Variants in BCAS1 observed in about 807,000 individuals in gnomAD.
BCAS1 encodes the protein breast carcinoma-amplified sequence 1.
Under a neutral mutation model 65.4 loss-of-function variants are expected in BCAS1, and 46 were observed. The ratio of observed to expected loss-of-function variants is 0.70; its 90% CI spans 0.55 to 0.90. The LOEUF is 0.90. Ranked by LOEUF, BCAS1 falls within the 40% of genes least tolerant of loss-of-function variation. The probability of loss-of-function intolerance (pLI) is 0.00; values close to 1 mark genes in which losing one functional copy is unlikely to be tolerated. For missense variants in BCAS1, 793 were observed against 771.2 expected, an observed-to-expected ratio of 1.03 and a Z score of -0.33; for synonymous variants, 298 against 293.5, an observed-to-expected ratio of 1.02 and a Z score of -0.16.
At chr20:54,049,461 C>T (rs1422990999) in intron 3 of BCAS1, among the ~76,000 whole-genome samples, 2 of 152,006 alleles carry the variant, frequency 1.3e-5, no homozygotes, top group Non-Finnish European at 2.9e-5. Context: ...TTTTATTTCT[C>T]CAAAGATCTA....
chr20:54,032,853 T>G (rs999274920), intron 3 of BCAS1, among the ~76,000 whole-genome samples: 1 of 151,134 alleles, frequency 6.6e-6, no homozygotes, highest in African/African-American at 2.4e-5. Context: ...CAAACAGACT[T>G]AGACTCCCAC....
intron 6 of BCAS1, among the ~76,000 whole-genome samples, chr20:53,994,290 A>G (rs2090844096): frequency 6.6e-6 from 1 of 152,248 alleles, no homozygotes; most frequent in Admixed American, 6.5e-5. Flanking sequence ...TAAACCGTGT[A>G]TTCCACTAGA....
intron 3 of BCAS1, among the ~76,000 whole-genome samples, chr20:54,055,725 C>T (rs2092287710): frequency 6.6e-6 from 1 of 151,778 alleles, no homozygotes; most frequent in South Asian, 2.1e-4. Context: ...GCATTATTCA[C>T]AATAGCCAAG....
At position 54,008,487 on chromosome 20, in the gene BCAS1, C is replaced by T. The variant is rs111402932; in HGVS notation, c.724-12437G>A. Among the ~76,000 whole-genome samples the T allele has an allele frequency of 2.2e-4, 33 of 152,250 alleles. 1 individual carries two copies. The South Asian group carries it at 5.2e-3, about 24-fold the overall frequency. On this transcript the variant is annotated intron_variant, in intron 4 of 12. Transcript: ENST00000688948. ...GAAGGTCATGTGAGCAGAAAACTCCCGCCTCCACCCAGTAGTAATAAGGAG... is the reference window on the plus strand; with the variant it reads ...GAAGGTCATGTGAGCAGAAAACTCCTGCCTCCACCCAGTAGTAATAAGGAG...
chr20:53,961,792 C>CT (rs1406780817), intron 10 of BCAS1, among the ~76,000 whole-genome samples: 1 of 152,174 alleles, frequency 6.6e-6, no homozygotes, highest in East Asian at 1.9e-4. Context: ...AAACAACAAA[C>CT]TGAGTTGGAA....
chr20:53,975,792 T>TCAATA (rs1253040636), intron 8 of BCAS1, among the ~76,000 whole-genome samples: 1 of 152,096 alleles, frequency 6.6e-6, no homozygotes, highest in East Asian at 1.9e-4. Flanking sequence ...AATTAATCAT[T>TCAATA]CAATACAGAG....
At chr20:53,957,267 G>A (rs966434430) in intron 11 of BCAS1, among the ~76,000 whole-genome samples, 165 bp downstream of exon 11, 1 of 152,236 alleles carries the variant, frequency 6.6e-6, no homozygotes, top group Non-Finnish European at 1.5e-5. Context: ...GCTTGTTCAT[G>A]CTTGTGTCTG....
At chr20:54,056,993 A>T (rs1488089080) in intron 3 of BCAS1, among the ~76,000 whole-genome samples, 2 of 152,256 alleles carry the variant, frequency 1.3e-5, no homozygotes, top group Non-Finnish European at 2.9e-5. Flanking sequence ...AAGGTCACAC[A>T]GCTAGTACGT....
At chr20:54,036,349 C>G (rs1446678503) in intron 3 of BCAS1, among the ~76,000 whole-genome samples, 1 of 151,114 alleles carries the variant, frequency 6.6e-6, no homozygotes, top group Non-Finnish European at 1.5e-5. Flanking sequence ...GTAGCAGCTC[C>G]AAAATATTTA....
intron 10 of BCAS1, among the ~76,000 whole-genome samples, chr20:53,961,813 C>A (rs1417692059): frequency 6.6e-6 from 1 of 152,218 alleles, no homozygotes; most frequent in African/African-American, 2.4e-5. Flanking sequence ...TTCTGGCTCT[C>A]CCGCTTACCA....
At chr20:54,014,404 G>A (rs1393876867) in intron 4 of BCAS1, among the ~76,000 whole-genome samples, 1 of 152,152 alleles carries the variant, frequency 6.6e-6, no homozygotes, top group Non-Finnish European at 1.5e-5. Context: ...ATCATAATTT[G>A]ATTGTCTGTA....
chr20:54,041,135 T>C (rs1390314661), intron 3 of BCAS1, among the ~76,000 whole-genome samples: 2 of 151,242 alleles, frequency 1.3e-5, no homozygotes, highest in Non-Finnish European at 3.0e-5. Flanking sequence ...GGCAAATCCA[T>C]AGAGGCAGAA....
chr20:53,949,223 C>G (rs887648593), intron 12 of BCAS1, among the ~76,000 whole-genome samples: 1 of 151,718 alleles, frequency 6.6e-6, no homozygotes, highest in Non-Finnish European at 1.5e-5. Context: ...CACACACACA[C>G]CCAGGTTTTG....
chr20:53,983,735 C>T (rs192510665), intron 8 of BCAS1, among the ~76,000 whole-genome samples: 1 of 152,318 alleles, frequency 6.6e-6, no homozygotes, highest in East Asian at 1.9e-4. Context: ...GCAATCTGTA[C>T]TCTATGATTC....
chr20:54,064,455 T>C lies in BCAS1; in HGVS notation c.-5-5732A>G, dbSNP rs1247031432. 2.0e-5 allele frequency among the ~76,000 whole-genome samples: 3 copies of C among 152,298 alleles called. No individual in the cohort carries two copies. In the East Asian group the frequency reaches 5.8e-4, roughly 29 times the overall value. On this transcript the variant is annotated intron_variant, in intron 1 of 12. Transcript: ENST00000688948. ...AGGCACCTGAATACACTCACAACCC[T>C]TCTAGGGGCACTGCTTTGCTGACGC...
chr20:54,016,402 G>T (rs2091439610), intron 4 of BCAS1, among the ~76,000 whole-genome samples: 2 of 152,154 alleles, frequency 1.3e-5, no homozygotes, highest in Admixed American at 6.5e-5. Flanking sequence ...AATTTGTAAA[G>T]ATCAAATTCG....
chr20:53,998,576 GC>G (rs2090978612), intron 4 of BCAS1, among the ~76,000 whole-genome samples: 1 of 152,196 alleles, frequency 6.6e-6, no homozygotes, highest in African/African-American at 2.4e-5. Flanking sequence ...CAAGGAGATG[GC>G]CCAAGCCATT....
chr20:54,063,379 G>A (rs916394821), intron 1 of BCAS1, among the ~76,000 whole-genome samples: 7 of 152,204 alleles, frequency 4.6e-5, no homozygotes, highest in African/African-American at 1.2e-4. Context: ...AAAGAGGACT[G>A]CACAAGAGTT....
chr20:54,042,059 T>C (rs2092010262), intron 3 of BCAS1, among the ~76,000 whole-genome samples: 1 of 152,142 alleles, frequency 6.6e-6, no homozygotes, highest in Non-Finnish European at 1.5e-5. Flanking sequence ...TAAAATGTTA[T>C]CCTAGAAATA....
Sources: gnomAD v4.1 joint callset for allele counts (sites outside exome capture counted in the v4.1 genomes callset) on GRCh38, gnomAD v4.1.1 for gene constraint, MANE v1.5 for transcripts, NCBI Gene and HGNC (gene_info 2026-07-23, HGNC 2026-07-21) for gene names.